TMC7: variants seen among roughly 807,000 people sequenced by gnomAD.
TMC7 encodes the protein transmembrane channel-like protein 7.
A neutral mutation model predicts 82.9 loss-of-function variants in TMC7; 54 were observed. The observed-to-expected ratio is 0.65, with a 90% CI of 0.52 to 0.82. The LOEUF (loss-of-function observed/expected upper bound fraction) is 0.82. TMC7 is among the 40% of genes least tolerant of loss of function. The pLI is 0.00. For synonymous variants in TMC7, 350 were observed against 337.9 expected (o/e 1.04, Z -0.39); for missense variants, 820 against 901.2 (o/e 0.91, Z 1.15).
Position 19,051,801 on chromosome 16 carries a change from C to G in TMC7, c.1856C>G (p.Thr619Arg). The change falls in exon 13 of 16, where the codon ACA becomes AGA. Residue 619 changes from threonine to arginine, a missense_variant. By Grantham distance (71) the Thr-to-Arg change is moderately conservative. Coordinates refer to ENST00000304381, the MANE Select transcript of TMC7 (RefSeq NM_024847.4). ...CTGTGTTTGGCAATAATACCTCTGA[C>G]AATCAGCATATCACGGTAAATGTGA... ...IGLCLAIIPL[T>R]ISISRIPSSK... is the part of the protein sequence containing the mutation. 3 of 1,614,084 alleles carry G rather than the reference C, an allele frequency of 1.9e-6. No individual in the cohort carries two copies. The highest frequency in any genetic ancestry group is 2.5e-6 in the Non-Finnish European group (3 of 1,180,020).
intron 7 of TMC7, among the ~76,000 whole-genome samples, chr16:19,036,155 T>C (rs1447418281): frequency 6.6e-6 from 1 of 151,934 alleles, no homozygotes; most frequent in African/African-American, 2.4e-5. Context: ...ACACTACTTA[T>C]ACCAGGAGAA....
intron 8 of TMC7, among the ~76,000 whole-genome samples, chr16:19,038,570 G>A (rs1291432603): frequency 9.9e-5 from 15 of 151,618 alleles, no homozygotes; most frequent in Non-Finnish European, 1.9e-4. Context: ...AGGCTGAAGT[G>A]TGGTGGTGTG....
chr16:18,999,290 G>A (rs989968143), intron 1 of TMC7, among the ~76,000 whole-genome samples: 8 of 152,164 alleles, frequency 5.3e-5, no homozygotes, highest in African/African-American at 1.4e-4. Context: ...ATGAGCCACT[G>A]CATCCAGCCA....
intron 1 of TMC7, among the ~76,000 whole-genome samples, chr16:19,008,613 G>GTGTTC (rs1265400906): frequency 6.6e-5 from 10 of 152,294 alleles, no homozygotes; most frequent in Admixed American, 3.3e-4. Context: ...CACTTCTGCT[G>GTGTTC]TGTTCTGTTG....
Position 19,009,419 on chromosome 16 carries a change from T to G in TMC7, c.311+4T>G. The G allele has an allele frequency of 6.2e-7, 1 of 1,609,154 alleles. No homozygotes were observed. Among genetic ancestry groups the G allele is most frequent in the Non-Finnish European group, 8.5e-7 (1 of 1,176,194 alleles). On this transcript the variant is annotated splice_donor_region_variant and intron_variant, in intron 2 of 15. Coordinates refer to ENST00000304381, the MANE Select transcript of TMC7 (RefSeq NM_024847.4). ...TCTCTGAGAAGCGGAGACTAAGGTT[T>G]GTTCACTAGCCACCTGGAACCTGCA...
rs577402581 is a variant in TMC7, at chr16:19,041,579, C to A, written c.1337+1133C>A. 9.6e-3 allele frequency among the ~76,000 whole-genome samples: 1,467 copies of A among 152,164 alleles called. 32 individuals carry two copies. The highest frequency in any genetic ancestry group is 0.033 in the African/African-American group (1,381 of 41,518). On this transcript the variant is annotated intron_variant, in intron 9 of 15. Transcript: ENST00000304381. Reference sequence around the variant, plus strand: ...TAGAGATGGGGTTTCACCATGTTGGCCAGGCTGGTCTCGAACTCCTGACCT... The same window carrying A: ...TAGAGATGGGGTTTCACCATGTTGGACAGGCTGGTCTCGAACTCCTGACCT...
intron 1 of TMC7, among the ~76,000 whole-genome samples, chr16:18,998,694 C>T (rs1172208739): frequency 6.6e-6 from 1 of 151,166 alleles, no homozygotes; most frequent in African/African-American, 2.4e-5. Flanking sequence ...GCGGAGCTTG[C>T]AGTGAGCTGA....
At chr16:19,038,755 A>T (rs549389179) in intron 8 of TMC7, among the ~76,000 whole-genome samples, 19 of 149,566 alleles carry the variant, frequency 1.3e-4, no homozygotes, top group Admixed American at 1.3e-4. Flanking sequence ...TGACCTCAAG[A>T]GATCCACCCA....
chr16:19,035,319 T>C (rs1960695732), intron 6 of TMC7, among the ~76,000 whole-genome samples: 1 of 152,168 alleles, frequency 6.6e-6, no homozygotes, highest in Non-Finnish European at 1.5e-5. Context: ...AACTATTGGA[T>C]ACTGTGCTCA....
intron 1 of TMC7, among the ~76,000 whole-genome samples, chr16:18,993,080 A>G (rs1051879218): frequency 1.3e-5 from 2 of 152,140 alleles, no homozygotes; most frequent in Admixed American, 1.3e-4. Context: ...TTTCTTAAAG[A>G]AGGATTAGAG....
At chr16:18,998,753 CAA>C (rs36110318) in intron 1 of TMC7, among the ~76,000 whole-genome samples, 46,364 of 145,748 alleles carry the variant, frequency 0.32, 7,429 homozygotes, top group Non-Finnish European at 0.36. Flanking sequence ...GACTCTGTCT[CAA>C]AAAAAAAAAA....
chr16:18,986,411 A>G (rs1158657894), intron 1 of TMC7, among the ~76,000 whole-genome samples: 1 of 143,316 alleles, frequency 7.0e-6, no homozygotes, highest in Non-Finnish European at 1.5e-5. Context: ...AAAAAAAAAG[A>G]TGGGTATGGC....
intron 12 of TMC7, among the ~76,000 whole-genome samples, chr16:19,047,931 C>G (rs1961360684): frequency 6.6e-6 from 1 of 151,432 alleles, no homozygotes; most frequent in Non-Finnish European, 1.5e-5. Flanking sequence ...GAACTCCTGA[C>G]CTCGTGATCC....
In TMC7 at chr16:19,026,465, A is replaced by G. The variant is rs563914408; in HGVS notation, c.711+3270A>G. Among the ~76,000 whole-genome samples the G allele has an allele frequency of 6.0e-5, 9 of 150,136 alleles. No homozygotes were observed. The South Asian group carries it at 1.9e-3, about 32-fold the overall frequency. On this transcript the variant is annotated intron_variant, in intron 5 of 15. Transcript: ENST00000304381. ...GCACTCCAGCCTGGGCGACAGAGTGAGACTCCGTCTCAAAAAAAAAAAAAA... is the reference window on the plus strand; with the variant it reads ...GCACTCCAGCCTGGGCGACAGAGTGGGACTCCGTCTCAAAAAAAAAAAAAA...
At chr16:19,051,204 CT>C (rs544794521) in intron 12 of TMC7, among the ~76,000 whole-genome samples, 142 of 137,402 alleles carry the variant, frequency 1.0e-3, no homozygotes, top group African/African-American at 1.6e-3. Flanking sequence ...TGGATGAAAC[CT>C]TTTTTTTTTT....
chr16:18,985,698 GTTTT>G (rs56873601), intron 1 of TMC7, among the ~76,000 whole-genome samples: 3 of 132,794 alleles, frequency 2.3e-5, no homozygotes, highest in Non-Finnish European at 3.2e-5. Flanking sequence ...AGATAGATGA[GTTTT>G]TTTTTTTTTT....
intron 9 of TMC7, among the ~76,000 whole-genome samples, chr16:19,044,278 T>C (rs1007263851): frequency 2.6e-5 from 4 of 152,128 alleles, no homozygotes; most frequent in Non-Finnish European, 4.4e-5. Context: ...CAAACAATCC[T>C]CTGGGCTCAA....
Position 19,026,279 on chromosome 16 carries a change from A to T in TMC7, c.711+3084A>T, listed in dbSNP as rs1960223292. On this transcript the variant is annotated intron_variant, in intron 5 of 15. Coordinates refer to ENST00000304381, the MANE Select transcript of TMC7 (RefSeq NM_024847.4). The stretch of plus-strand genomic sequence containing the variant: ...ATCATGAGGTCAGGAGATCGAGAGC[A>T]TCCTGGCTAACACAGTGAAACCCTG... Among the ~76,000 whole-genome samples, 3 of 151,872 alleles carry T rather than the reference A, an allele frequency of 2.0e-5. 1 individual carries two copies. The South Asian group carries it at 6.2e-4, about 32-fold the overall frequency.
At position 19,009,217 on chromosome 16, in the gene TMC7, A is replaced by G. The variant is rs771512335; in HGVS notation, c.113A>G (p.Asn38Ser). 5.0e-6 allele frequency: 8 copies of G among 1,614,040 alleles called. No individual in the cohort carries two copies. The South Asian group carries it at 5.5e-5, about 11-fold the overall frequency. The change falls in exon 2 of 16, where the codon AAC becomes AGC. Residue 38 changes from asparagine to serine, a missense_variant. This residue lies in a region of TMC7 where 650 missense variants were observed against 669.9 expected (regional missense o/e 0.97). Coordinates refer to ENST00000304381, the MANE Select transcript of TMC7 (RefSeq NM_024847.4). Reference sequence around the variant, plus strand: ...AGTTGCTTCTCTTCTCCACCTGTGAACTTCCTCCAAGAATTGCCAAGCTAC... The same window carrying G: ...AGTTGCTTCTCTTCTCCACCTGTGAGCTTCCTCCAAGAATTGCCAAGCTAC... ...DSSCFSSPPV[N>S]FLQELPSYRS...
Sources: allele counts gnomAD v4.1 joint callset (sites outside exome capture counted in the v4.1 genomes callset), GRCh38; gene constraint gnomAD v4.1.1; regional missense constraint gnomAD v4.1.1; transcripts MANE v1.5; gene names NCBI Gene and HGNC (gene_info 2026-07-23, HGNC 2026-07-21).